GLIS3: variants seen among roughly 807,000 people sequenced by gnomAD.
GLIS3 encodes GLIS family zinc finger 3.
Under a neutral mutation model 78.6 loss-of-function variants are expected in GLIS3, and 53 were observed. That is an observed-to-expected ratio of 0.67 (90% CI 0.54 to 0.85). The LOEUF (loss-of-function observed/expected upper bound fraction) is 0.85, where lower values mean the gene tolerates loss of function less well. Ranked by LOEUF, GLIS3 falls within the 40% of genes least tolerant of loss-of-function variation. The probability of loss-of-function intolerance (pLI) is 0.00; values close to 1 mark genes in which losing one functional copy is unlikely to be tolerated. For synonymous variants in GLIS3, 684 were observed against 509.9 expected, an observed-to-expected ratio of 1.34 and a Z score of -4.60; for missense variants, 1,703 against 1,231.1, an observed-to-expected ratio of 1.38 and a Z score of -5.74.
chr9:4,217,172 G>C (rs877054), intron 2 of GLIS3, among the ~76,000 whole-genome samples: 1 of 152,106 alleles, frequency 6.6e-6, no homozygotes, highest in Non-Finnish European at 1.5e-5. Context: ...CATCAACATA[G>C]TCATGAACCC....
At chr9:4,435,810 G>T in the GLIS3 span, among the ~76,000 whole-genome samples, 4 of 152,244 alleles carry the variant, frequency 2.6e-5, no homozygotes, top group African/African-American at 9.6e-5. Context: ...TTAGCCGGGC[G>T]TGGTGGCAGG....
At chr9:4,226,884 A>T (rs556674081) in intron 2 of GLIS3, among the ~76,000 whole-genome samples, 6 of 152,220 alleles carry the variant, frequency 3.9e-5, no homozygotes, top group Non-Finnish European at 8.8e-5. Flanking sequence ...AGTTTGGAGT[A>T]AATTCCTGGA....
chr9:3,949,828 A>G (rs796563473), intron 4 of GLIS3, among the ~76,000 whole-genome samples: 1 of 152,182 alleles, frequency 6.6e-6, no homozygotes. Context: ...AAAATAGTTC[A>G]TTTTGCTATT....
the GLIS3 span, among the ~76,000 whole-genome samples, chr9:4,384,545 T>C: frequency 1.3e-5 from 2 of 149,932 alleles, no homozygotes; most frequent in African/African-American, 2.4e-5. Flanking sequence ...CTTTCCTTTA[T>C]ATAATATATA....
At chr9:4,197,890 A>T (rs1006818805) in intron 2 of GLIS3, among the ~76,000 whole-genome samples, 1 of 152,158 alleles carries the variant, frequency 6.6e-6, no homozygotes. Context: ...CATACCCAGC[A>T]TTCTCTACAA....
intron 2 of GLIS3, among the ~76,000 whole-genome samples, chr9:4,130,443 C>G (rs1832890873): frequency 6.6e-6 from 1 of 152,204 alleles, no homozygotes; most frequent in Non-Finnish European, 1.5e-5. Flanking sequence ...TTTTATGGGC[C>G]AGGCCCAGGG....
Position 4,344,802 on chromosome 9 carries a change from C to CT in GLIS3, n.264+2278dup, listed in dbSNP as rs540110318. Among the ~76,000 whole-genome samples, 34 of 152,280 alleles carry CT rather than the reference C, an allele frequency of 2.2e-4. No homozygotes were observed. The East Asian group carries it at 6.0e-3, about 27-fold the overall frequency. On this transcript the variant is annotated intron_variant and non_coding_transcript_variant, in intron 2 of 4. Transcript: ENST00000471664. Reference sequence around the variant, plus strand: ...CACTGCAGGAAGTAGCACTTCTATCCTTTCATTTCCTAAGGCCAAAATTCC... The same window carrying CT: ...CACTGCAGGAAGTAGCACTTCTATCCTTTTCATTTCCTAAGGCCAAAATTCC...
chr9:4,240,647 A>G (rs1384876916), intron 2 of GLIS3, among the ~76,000 whole-genome samples: 1 of 152,266 alleles, frequency 6.6e-6, no homozygotes, highest in East Asian at 1.9e-4. Context: ...TAAAAAAGTT[A>G]GAAGAAATTC....
intron 6 of GLIS3, among the ~76,000 whole-genome samples, chr9:3,905,072 A>C (rs1464250818): frequency 2.0e-5 from 3 of 147,742 alleles, no homozygotes; most frequent in Middle Eastern, 7.3e-3. Context: ...TCCCAGGTTC[A>C]TGCCATTCTC....
At chr9:4,139,976 T>A (rs1018262149) in intron 2 of GLIS3, among the ~76,000 whole-genome samples, 1 of 151,962 alleles carries the variant, frequency 6.6e-6, no homozygotes, top group South Asian at 2.1e-4. Context: ...TCAATGGGAC[T>A]TTTTTTTCAG....
chr9:4,454,289 G>C, the GLIS3 span, among the ~76,000 whole-genome samples: 1,360 of 152,224 alleles, frequency 8.9e-3, 20 homozygotes, highest in African/African-American at 0.031. Context: ...ACAGGCATGA[G>C]CCACCACAAC....
intron 6 of GLIS3, among the ~76,000 whole-genome samples, chr9:3,919,464 C>T (rs564159898): frequency 1.3e-5 from 2 of 152,112 alleles, no homozygotes; most frequent in Middle Eastern, 6.8e-3. Flanking sequence ...AGGGGAACAA[C>T]ACACACTGGG....
At chr9:4,314,772 T>G (rs1176181919) in intron 2 of GLIS3, among the ~76,000 whole-genome samples, 2 of 152,222 alleles carry the variant, frequency 1.3e-5, no homozygotes, top group African/African-American at 2.4e-5. Flanking sequence ...TCTGGGATTT[T>G]GGGCAAGTTC....
At chr9:4,156,973 G>A (rs368644516) in intron 2 of GLIS3, among the ~76,000 whole-genome samples, 1 of 152,206 alleles carries the variant, frequency 6.6e-6, no homozygotes, top group Admixed American at 6.5e-5. Context: ...CCTGGGGGTA[G>A]GGTCAACCCA....
At chr9:4,271,637 C>A (rs1427054694) in intron 2 of GLIS3, among the ~76,000 whole-genome samples, 3 of 152,160 alleles carry the variant, frequency 2.0e-5, no homozygotes, top group Non-Finnish European at 2.9e-5. Context: ...CCATGAGACA[C>A]CCCCCTGGAT....
At chr9:4,058,244 T>A (rs10974306) in intron 4 of GLIS3, among the ~76,000 whole-genome samples, 4 of 151,970 alleles carry the variant, frequency 2.6e-5, no homozygotes, top group African/African-American at 7.2e-5. Flanking sequence ...TCCTTGTTTT[T>A]TTTTGGCTTT....
the GLIS3 span, among the ~76,000 whole-genome samples, chr9:4,412,078 C>G: frequency 1.3e-5 from 2 of 152,190 alleles, no homozygotes; most frequent in African/African-American, 2.4e-5. Context: ...AACAGCATCT[C>G]TGTCCTCAGT....
chr9:4,210,816 C>G (rs117792436), intron 2 of GLIS3, among the ~76,000 whole-genome samples: 1,624 of 152,372 alleles, frequency 0.011, 17 homozygotes, highest in Non-Finnish European at 0.017. Context: ...AGTCATGGGC[C>G]TGCCCACTTC....
At chr9:4,114,839 G>C (rs806056) in intron 4 of GLIS3, among the ~76,000 whole-genome samples, 77,882 of 151,710 alleles carry the variant, frequency 0.51, 21,076 homozygotes, top group African/African-American at 0.67. Flanking sequence ...GGGTGGAGTT[G>C]TCGGGGTAAA....
Sources: allele counts gnomAD v4.1 joint callset (sites outside exome capture counted in the v4.1 genomes callset), GRCh38; gene constraint gnomAD v4.1.1; transcripts MANE v1.5; gene names NCBI Gene and HGNC (gene_info 2026-07-23, HGNC 2026-07-21).